SERF2: variants seen among roughly 807,000 people sequenced by gnomAD.
The protein encoded by SERF2 is small EDRK-rich factor 2.
SERF2 carries 4 observed loss-of-function variants against 10.7 expected under a neutral mutation model. The ratio of observed to expected loss-of-function variants is 0.37; its 90% CI spans 0.18 to 0.86. The LOEUF is 0.86. SERF2 is among the 40% of genes least tolerant of loss of function. The pLI is 0.43. For synonymous variants in SERF2, 26 were observed against 26.0 expected (o/e 1.00, Z 0.01); for missense variants, 47 against 79.1 (o/e 0.59, Z 1.54).
chr15:43,794,968 A>G lies in SERF2; in HGVS notation c.*1195A>G. On this transcript the variant is annotated 3_prime_UTR_variant, in exon 3 of 3. Transcript: ENST00000249786. ...CCCTTGAGCCAACTCTAGGAGTACA[A>G]TGTCAGGGGAACCCCAGTTTGTGAA... The G allele has an allele frequency of 6.4e-7, 1 of 1,555,208 alleles. No individual in the cohort carries two copies. The highest frequency in any genetic ancestry group is 8.8e-7 in the Non-Finnish European group (1 of 1,140,162).
chr15:43,794,408 C>G lies in SERF2; in HGVS notation c.*635C>G, dbSNP rs1458564536. ...CTGCTTGAAAGTTGGCCAAAAAATC[C>G]TGCTGCTCACCGACTTCCCGTGGTC... On this transcript the variant is annotated 3_prime_UTR_variant, in exon 3 of 3. Transcript: ENST00000249786. 1 of 164,328 alleles carries G rather than the reference C, an allele frequency of 6.1e-6. No individual in the cohort carries two copies. The highest frequency in any genetic ancestry group is 1.3e-5 in the Non-Finnish European group (1 of 75,400). The allele number at this position is 164,328 out of a possible 1,614,324, so 10.2% of individuals were successfully genotyped here.
intron 1 of SERF2, 67 bp downstream of exon 1, chr15:43,792,450 G>A: frequency 1.2e-6 from 2 of 1,612,994 alleles, no homozygotes; most frequent in South Asian, 2.2e-5. Context: ...CCGGCGAGGC[G>A]CCGGCTTTGA....
chr15:43,792,507 G>A (rs4644832), intron 1 of SERF2, 124 bp downstream of exon 1: 1,291,821 of 1,568,128 alleles, frequency 0.82, 533,988 homozygotes, highest in East Asian at 1. Context: ...CGCGCTCTGT[G>A]GCCACCCTCA....
chr15:43,783,008 CTT>C (rs61152230), intron 1 of SERF2, among the ~76,000 whole-genome samples: 4 of 99,808 alleles, frequency 4.0e-5, no homozygotes, highest in African/African-American at 8.7e-5. Context: ...CCACACCTGG[CTT>C]TTTTTTTTTT....
At chr15:43,784,661 G>T (rs907466739) in intron 1 of SERF2, among the ~76,000 whole-genome samples, 4 of 151,820 alleles carry the variant, frequency 2.6e-5, no homozygotes, top group African/African-American at 9.7e-5. Context: ...GTAGAGACAG[G>T]GTTTCACCAT....
intron 1 of SERF2, among the ~76,000 whole-genome samples, chr15:43,780,710 C>T (rs1229352052): frequency 6.6e-6 from 1 of 152,104 alleles, no homozygotes; most frequent in Admixed American, 6.6e-5. Flanking sequence ...CCTGAAACTG[C>T]AGATAATACT....
rs2087153165 is a variant in SERF2 at position 43,794,425 on chromosome 15, C to G, written c.*652C>G. 1 of 163,288 alleles carries G rather than the reference C, an allele frequency of 6.1e-6. No individual in the cohort carries two copies. 10.1% of individuals were successfully genotyped at this position (163,288 alleles called of 1,614,324 possible). A position where few individuals can be genotyped will look rare whatever the true frequency, so the allele number is the denominator to read the frequency against. On this transcript the variant is annotated 3_prime_UTR_variant, in exon 3 of 3. Transcript: ENST00000249786. ...AAAAAATCCTGCTGCTCACCGACTT[C>G]CCGTGGTCAGCTGCTGTCAAGCGTT...
chr15:43,784,959 G>C (rs1322736719), intron 1 of SERF2, among the ~76,000 whole-genome samples: 1 of 144,532 alleles, frequency 6.9e-6, no homozygotes. Context: ...TGCCATGTTG[G>C]CCAGGCTGGT....
At chr15:43,793,119 G>C in intron 2 of SERF2, 36 bp downstream of exon 2, 1 of 1,401,560 alleles carries the variant, frequency 7.1e-7, no homozygotes, top group South Asian at 1.2e-5. Flanking sequence ...GGACGGTGGA[G>C]ACCTGGGTTA....
In SERF2 at chr15:43,778,492, T is replaced by A. The variant is rs144415797; in HGVS notation, c.-527+990T>A. On this transcript the variant is annotated intron_variant, in intron 1 of 4. Transcript: ENST00000381359. ...TGAATCAGGTTGCAGTGAGCCATGT[T>A]TTCGCCACTGAACTTCAGCCTGAGC... Among the ~76,000 whole-genome samples, 36 of 142,048 alleles carry A rather than the reference T, an allele frequency of 2.5e-4. No individual in the cohort carries two copies. In the East Asian group the frequency reaches 3.1e-3, roughly 12 times the overall value. 93.2% of individuals were successfully genotyped at this position (142,048 alleles called of 152,430 possible).
chr15:43,792,561 A>G, intron 1 of SERF2, 178 bp downstream of exon 1: 3 of 1,482,154 alleles, frequency 2.0e-6, no homozygotes, highest in Non-Finnish European at 1.8e-6. Context: ...CGGCTACTTC[A>G]CGGGACCACC....
At chr15:43,781,350 T>C (rs2086962337) in intron 1 of SERF2, among the ~76,000 whole-genome samples, 1 of 151,772 alleles carries the variant, frequency 6.6e-6, no homozygotes, top group African/African-American at 2.4e-5. Flanking sequence ...AGGTCAGGAG[T>C]TCGAGACCAG....
chr15:43,795,282 A>C lies in SERF2; in HGVS notation c.*1509A>C. 6.3e-7 allele frequency: 1 copy of C among 1,591,298 alleles called. No individual in the cohort carries two copies. The highest frequency in any genetic ancestry group is 8.6e-7 in the Non-Finnish European group (1 of 1,160,238). ...GCTTTTAGACCTGTTCTACCTCCTC[A>C]CCAAATATAATGGCAGACCCATGTG... On this transcript the variant is annotated 3_prime_UTR_variant, in exon 3 of 3. Transcript: ENST00000249786.
upstream of SERF2, among the ~76,000 whole-genome samples, chr15:43,791,557 C>T (rs2087061261): frequency 6.6e-6 from 1 of 152,140 alleles, no homozygotes; most frequent in Admixed American, 6.5e-5. Context: ...AATACAAAAC[C>T]GGGTGGCTGG....
chr15:43,790,545 C>T (rs1160999723), upstream of SERF2, among the ~76,000 whole-genome samples: 1 of 151,906 alleles, frequency 6.6e-6, no homozygotes, highest in East Asian at 2.0e-4. Context: ...GGGCGGATCA[C>T]CTGAGGTCAG....
At chr15:43,791,926 A>C (rs1252932925), upstream of SERF2, 1 of 228,128 alleles carries the variant, frequency 4.4e-6, no homozygotes, top group Non-Finnish European at 9.1e-6. Context: ...AGTACTCGTA[A>C]CACAGAACTG....
chr15:43,796,010 C>A lies in SERF2; in HGVS notation c.*2237C>A. On this transcript the variant is annotated 3_prime_UTR_variant, in exon 3 of 3. Coordinates refer to ENST00000249786, the MANE Select transcript of SERF2 (RefSeq NM_001018108.4). ...AATGAGATTATGTAAAAGTATCTAGCACAGTTGCCTAGCACATTGTGGGTA... is the reference window on the plus strand; with the variant it reads ...AATGAGATTATGTAAAAGTATCTAGAACAGTTGCCTAGCACATTGTGGGTA... 1.4e-6 allele frequency: 1 copy of A among 700,686 alleles called. No individual in the cohort carries two copies. The highest frequency in any genetic ancestry group is 2.5e-6 in the Non-Finnish European group (1 of 395,392). 43.4% of individuals were successfully genotyped at this position (700,686 alleles called of 1,614,324 possible).
chr15:43,792,141 A>G, upstream of SERF2: 1 of 506,770 alleles, frequency 2.0e-6, no homozygotes, highest in Admixed American at 3.1e-5. Flanking sequence ...CTCACTCGGG[A>G]AGCCCCGCCC....
At position 43,795,721 on chromosome 15, in the gene SERF2, AAC is replaced by A. The variant is rs767483405; in HGVS notation, c.*1952_*1953del. ...GCCTCCACTGTTTCAGGGCAGCAGAAACACAGTGAGGGCTTCTGCAAAACAGA... is the reference window on the plus strand; with the variant it reads ...GCCTCCACTGTTTCAGGGCAGCAGAAACAGTGAGGGCTTCTGCAAAACAGA... On this transcript the variant is annotated 3_prime_UTR_variant, in exon 3 of 3. Coordinates refer to ENST00000249786, the MANE Select transcript of SERF2 (RefSeq NM_001018108.4). 1.9e-6 allele frequency: 3 copies of A among 1,613,972 alleles called. No homozygotes were observed. The highest frequency in any genetic ancestry group is 1.7e-5 in the Admixed American group (1 of 59,984).
Sources: allele counts gnomAD v4.1 joint callset (sites outside exome capture counted in the v4.1 genomes callset), GRCh38; gene constraint gnomAD v4.1.1; transcripts MANE v1.5; gene names NCBI Gene and HGNC (gene_info 2026-07-23, HGNC 2026-07-21).